Variants in RAB3GAP2 observed in about 807,000 individuals in gnomAD.
The protein encoded by RAB3GAP2 is RAB3 GTPase activating non-catalytic protein subunit 2, also known as rab3 GTPase-activating protein non-catalytic subunit.
RAB3GAP2 carries 87 observed loss-of-function variants against 185.3 expected under a neutral mutation model. That is an observed-to-expected ratio of 0.47 (90% confidence interval 0.39 to 0.56). RAB3GAP2 has a LOEUF of 0.56. RAB3GAP2 is among the 20% of genes least tolerant of loss of function. The pLI, the probability that RAB3GAP2 is intolerant of heterozygous loss-of-function variation, is 0.00. For missense variants in RAB3GAP2, 1,492 were observed against 1,638.2 expected (o/e 0.91, Z 1.54); for synonymous variants, 554 against 576.1 (o/e 0.96, Z 0.55).
rs1432605237 is a variant in RAB3GAP2, at chr1:220,154,010, A to C, written c.3603T>G (p.Pro1201=). 1 of 1,613,636 alleles carries C rather than the reference A, an allele frequency of 6.2e-7. No individual in the cohort carries two copies. The change falls in exon 32 of 35, where the codon CCT becomes CCG. Residue 1201 remains proline (P), a synonymous_variant. Coordinates refer to ENST00000358951, the MANE Select transcript of RAB3GAP2 (RefSeq NM_012414.4). The part of the protein sequence containing the change: ...FKDLTSIQLL[P]SGEMDPNFIS... ...TAAAATTTGGATCCATTTCCCCACT[A>C]GGTAATAACTGAATTGAAGTTAGGT...
intron 27 of RAB3GAP2, among the ~76,000 whole-genome samples, chr1:220,163,345 C>T (rs1657998805): frequency 6.6e-6 from 1 of 151,618 alleles, no homozygotes; most frequent in African/African-American, 2.4e-5. Flanking sequence ...AAATACTAGT[C>T]TGAAGTCAGT....
intron 9 of RAB3GAP2, among the ~76,000 whole-genome samples, chr1:220,199,473 C>G (rs1658799870): frequency 6.6e-6 from 1 of 152,156 alleles, no homozygotes; most frequent in African/African-American, 2.4e-5. Flanking sequence ...TCCATGTTGT[C>G]AAATCCAATG....
intron 1 of RAB3GAP2, among the ~76,000 whole-genome samples, chr1:220,262,638 G>A: frequency 6.6e-6 from 1 of 152,158 alleles, no homozygotes; most frequent in Non-Finnish European, 1.5e-5. Flanking sequence ...TATAGCATGT[G>A]ACATTTCTTT....
intron 1 of RAB3GAP2, among the ~76,000 whole-genome samples, chr1:220,269,223 T>G (rs149128259): frequency 6.6e-6 from 1 of 152,170 alleles, no homozygotes; most frequent in Non-Finnish European, 1.5e-5. Context: ...ATCCAAGGCA[T>G]AGACAACAGT....
intron 1 of RAB3GAP2, chr1:220,253,776 T>G (rs750899104): frequency 6.2e-7 from 1 of 1,611,660 alleles, no homozygotes. Flanking sequence ...TGGACACCAA[T>G]TTGCAGAAAC....
intron 27 of RAB3GAP2, among the ~76,000 whole-genome samples, chr1:220,163,366 A>ATTT (rs1315429896): frequency 1.4e-5 from 2 of 139,206 alleles, no homozygotes; most frequent in Admixed American, 7.3e-5. Flanking sequence ...TAGTAACTTA[A>ATTT]TTTTTTTTTT....
At chr1:220,221,105 G>A (rs1659297829) in intron 2 of RAB3GAP2, among the ~76,000 whole-genome samples, 1 of 152,060 alleles carries the variant, frequency 6.6e-6, no homozygotes, top group Admixed American at 6.5e-5. Context: ...ATCTGAGACT[G>A]GGTTTATTTC....
At chr1:220,202,231 G>C in intron 9 of RAB3GAP2, 45 bp downstream of exon 9, 7 of 1,585,062 alleles carry the variant, frequency 4.4e-6, no homozygotes, top group Non-Finnish European at 6.0e-6. Flanking sequence ...TCAATAAAAA[G>C]TGTAAGAAGT....
chr1:220,194,009 C>T (rs191936009), intron 12 of RAB3GAP2, among the ~76,000 whole-genome samples: 2 of 151,970 alleles, frequency 1.3e-5, no homozygotes. Flanking sequence ...AATTTATTGA[C>T]TCTTGATATT....
chr1:220,266,919 T>C (rs1222036197), intron 1 of RAB3GAP2: 1 of 1,588,554 alleles, frequency 6.3e-7, no homozygotes, highest in East Asian at 2.2e-5. Context: ...TCTCTTGGTA[T>C]GTATTTGCCT....
In RAB3GAP2 at chr1:220,263,894, G is replaced by T. The variant is rs183794571; in HGVS notation, c.115+8329C>A. On this transcript the variant is annotated intron_variant, in intron 1 of 34. Transcript: ENST00000358951. The stretch of plus-strand genomic sequence containing the variant: ...TTTTTTGTTCATATATGCCCCAAAA[G>T]AATTTTTTAGTATGTATCTCTTGCA... 1.1e-4 allele frequency among the ~76,000 whole-genome samples: 16 copies of T among 152,042 alleles called. No homozygotes were observed. The East Asian group carries it at 2.9e-3, about 28-fold the overall frequency.
intron 9 of RAB3GAP2, among the ~76,000 whole-genome samples, chr1:220,201,776 A>T (rs751290199): frequency 4.6e-5 from 7 of 152,202 alleles, no homozygotes; most frequent in Non-Finnish European, 7.3e-5. Flanking sequence ...CTGGGATTAC[A>T]GGTGTTAGCC....
At chr1:220,180,466 A>G (rs1210158058) in intron 21 of RAB3GAP2, among the ~76,000 whole-genome samples, 1 of 152,172 alleles carries the variant, frequency 6.6e-6, no homozygotes, top group Non-Finnish European at 1.5e-5. Flanking sequence ...AAACATTACA[A>G]TTGATACCAT....
At chr1:220,175,849 T>C (rs1035508372) in intron 21 of RAB3GAP2, among the ~76,000 whole-genome samples, 2 of 152,248 alleles carry the variant, frequency 1.3e-5, no homozygotes, top group Non-Finnish European at 2.9e-5. Flanking sequence ...TCTCTGTTTA[T>C]AACCTAGAGT....
chr1:220,214,335 G>A (rs1659143145), intron 2 of RAB3GAP2, among the ~76,000 whole-genome samples: 1 of 152,170 alleles, frequency 6.6e-6, no homozygotes, highest in Non-Finnish European at 1.5e-5. Context: ...AGGCCAGCCT[G>A]GCCCACATGG....
At chr1:220,189,995 C>A in intron 16 of RAB3GAP2, 69 bp downstream of exon 16, 1 of 1,333,158 alleles carries the variant, frequency 7.5e-7, no homozygotes, top group Non-Finnish European at 1.1e-6. Context: ...TTGCTCCATT[C>A]AGAATATTTT....
Position 220,191,860 on chromosome 1 carries a change from C to T in RAB3GAP2, c.1271-576G>A, listed in dbSNP as rs184357829. On this transcript the variant is annotated intron_variant, in intron 13 of 34. Coordinates refer to ENST00000358951, the MANE Select transcript of RAB3GAP2 (RefSeq NM_012414.4). ...AAGATTATAGATATAATTGAAGCCA[C>T]CTGATTACCCCTCCTGCTCTCATTC... Among the ~76,000 whole-genome samples the T allele has an allele frequency of 3.5e-3, 528 of 152,072 alleles. 2 individuals are homozygous for T. The highest frequency in any genetic ancestry group is 0.012 in the African/African-American group (500 of 41,498).
intron 2 of RAB3GAP2, among the ~76,000 whole-genome samples, chr1:220,222,876 G>A (rs1659333777): frequency 6.6e-6 from 1 of 151,902 alleles, no homozygotes; most frequent in African/African-American, 2.4e-5. Context: ...TTAGGGATGG[G>A]TTATTTTATT....
At chr1:220,254,100 G>C in intron 1 of RAB3GAP2, 1 of 1,613,884 alleles carries the variant, frequency 6.2e-7, no homozygotes, top group East Asian at 2.2e-5. Context: ...TAATTACCAG[G>C]CAAAAACAGC....
Sources: gnomAD v4.1 joint callset for allele counts (sites outside exome capture counted in the v4.1 genomes callset) on GRCh38, gnomAD v4.1.1 for gene constraint, MANE v1.5 for transcripts, NCBI Gene and HGNC (gene_info 2026-07-23, HGNC 2026-07-21) for gene names.